Variants in PHACTR2 observed in about 807,000 individuals in gnomAD.
PHACTR2 encodes the protein chromosome 6 open reading frame 56.
In PHACTR2, 30 loss-of-function variants were observed where a neutral mutation model predicts 76.0. The ratio of observed to expected loss-of-function variants is 0.39; its 90% CI spans 0.30 to 0.54. The LOEUF is 0.54. PHACTR2 is among the 20% of genes least tolerant of loss of function. The probability of loss-of-function intolerance (pLI) is 0.61; values close to 1 mark genes in which losing one functional copy is unlikely to be tolerated. For synonymous variants in PHACTR2, 292 were observed against 292.5 expected, an observed-to-expected ratio of 1.00 and a Z score of 0.02; for missense variants, 696 against 781.1, an observed-to-expected ratio of 0.89 and a Z score of 1.30.
rs1225594604 is a variant in PHACTR2 at position 143,787,096 on chromosome 6, T to G, written c.1708-1677T>G. Among the ~76,000 whole-genome samples, 2 of 152,212 alleles carry G rather than the reference T, an allele frequency of 1.3e-5. No homozygotes were observed. The highest frequency in any genetic ancestry group is 4.8e-5 in the African/African-American group (2 of 41,450). On this transcript the variant is annotated intron_variant, in intron 10 of 12. Coordinates refer to ENST00000440869, the MANE Select transcript of PHACTR2 (RefSeq NM_001100164.2). This position sits in a 1 kb window ranked among gnomAD's most constrained non-coding sequence, Gnocchi z 4.6. Reference sequence around the variant, plus strand: ...TACAAATCATCTTTCTCAATCCAGCTGGGCCCCTCCATGAGGCAGCAGTGC... The same window carrying G: ...TACAAATCATCTTTCTCAATCCAGCGGGGCCCCTCCATGAGGCAGCAGTGC...
chr6:143,687,058 G>GT (rs1777542406), intron 1 of PHACTR2, among the ~76,000 whole-genome samples: 1 of 151,862 alleles, frequency 6.6e-6, no homozygotes, highest in African/African-American at 2.4e-5. Context: ...AGGTTTAATT[G>GT]TTTTTTTAGT....
intron 1 of PHACTR2, among the ~76,000 whole-genome samples, chr6:143,576,331 C>A (rs1476609361): frequency 6.6e-6 from 1 of 152,196 alleles, no homozygotes; most frequent in East Asian, 1.9e-4. Context: ...ACGTATTTTA[C>A]AAGTCGTGGG....
intron 2 of PHACTR2, among the ~76,000 whole-genome samples, chr6:143,717,467 A>G (rs1012294173): frequency 2.6e-5 from 4 of 152,132 alleles, no homozygotes; most frequent in Non-Finnish European, 5.9e-5. Context: ...TAGGTTCTTT[A>G]TGTAATAACA....
intron 1 of PHACTR2, among the ~76,000 whole-genome samples, chr6:143,634,995 T>G (rs536250072): frequency 6.6e-6 from 1 of 152,228 alleles, no homozygotes; most frequent in East Asian, 1.9e-4. Context: ...AGAACATGTA[T>G]CTACTCTAAG....
In PHACTR2 at chr6:143,543,653, T is replaced by C. The variant is rs1276934893; in HGVS notation, c.217+6446T>C. On this transcript the variant is annotated intron_variant, in intron 1 of 11. Transcript: ENST00000367584. The surrounding 1 kb of genome is among the most constrained non-coding windows in gnomAD (Gnocchi z 4.7). ...GTTTGGGGATGGGAAACAGTACATGTAAAAGGCCTGAAACAAACTGGCATA... is the reference window on the plus strand; with the variant it reads ...GTTTGGGGATGGGAAACAGTACATGCAAAAGGCCTGAAACAAACTGGCATA... Among the ~76,000 whole-genome samples, 2 of 152,138 alleles carry C rather than the reference T, an allele frequency of 1.3e-5. No individual in the cohort carries two copies. The highest frequency in any genetic ancestry group is 2.9e-5 in the Non-Finnish European group (2 of 68,024).
rs1197828296 is a variant in PHACTR2, at chr6:143,753,602, T to C, written c.296-152T>C. 1.8e-6 allele frequency: 1 copy of C among 553,374 alleles called. No homozygotes were observed. The highest frequency in any genetic ancestry group is 3.1e-5 in the East Asian group (1 of 32,638). 34.3% of individuals were successfully genotyped at this position (553,374 alleles called of 1,614,324 possible). A position where few individuals can be genotyped will look rare whatever the true frequency, so the allele number is the denominator to read the frequency against. ...CCAAGACAGAGGATTTTCTAGCTCT[T>C]TTGTTTTGAATAAACCGGTGAAACA... is the stretch of plus-strand genomic sequence containing the variant. On this transcript the variant is annotated intron_variant, in intron 3 of 12. Coordinates refer to ENST00000440869, the MANE Select transcript of PHACTR2 (RefSeq NM_001100164.2). This position sits in a 1 kb window ranked among gnomAD's most constrained non-coding sequence, Gnocchi z 4.6.
At chr6:143,677,507 C>A (rs948053519), upstream of PHACTR2, among the ~76,000 whole-genome samples, 2 of 152,070 alleles carry the variant, frequency 1.3e-5, no homozygotes, top group Non-Finnish European at 2.9e-5. Flanking sequence ...CGTAGACCTA[C>A]CATTTAGATT....
intron 2 of PHACTR2, among the ~76,000 whole-genome samples, chr6:143,725,957 T>C (rs925502822): frequency 3.3e-5 from 5 of 152,376 alleles, no homozygotes; most frequent in African/African-American, 1.2e-4. Flanking sequence ...TTCCATTTTT[T>C]GTTGAATAGT....
rs1238544287 is a variant in PHACTR2 at position 143,765,029 on chromosome 6, A to C, written c.695-232A>C. Reference sequence around the variant, plus strand: ...AGACTAAAGTGAGAGAAGACAGAGGACTCTTGTTCCTCTGAGTTTTGCCGT... The same window carrying C: ...AGACTAAAGTGAGAGAAGACAGAGGCCTCTTGTTCCTCTGAGTTTTGCCGT... On this transcript the variant is annotated intron_variant, in intron 5 of 12. Transcript: ENST00000440869. This position sits in a 1 kb window ranked among gnomAD's most constrained non-coding sequence, Gnocchi z 4.1. 2.0e-5 allele frequency among the ~76,000 whole-genome samples: 3 copies of C among 151,818 alleles called. No homozygotes were observed. Among genetic ancestry groups the C allele is most frequent in the Non-Finnish European group, 4.4e-5 (3 of 67,960 alleles).
chr6:143,802,025 T>A (rs992427610), intron 11 of PHACTR2, among the ~76,000 whole-genome samples: 3 of 152,224 alleles, frequency 2.0e-5, no homozygotes, highest in African/African-American at 7.2e-5. Flanking sequence ...ACAAATCACC[T>A]GTTGCTTCTT....
At chr6:143,720,164 T>C (rs575351887) in intron 2 of PHACTR2, among the ~76,000 whole-genome samples, 1 of 152,200 alleles carries the variant, frequency 6.6e-6, no homozygotes, top group African/African-American at 2.4e-5. Context: ...CATCTTCATC[T>C]ATTGTATGTG....
intron 2 of PHACTR2, among the ~76,000 whole-genome samples, chr6:143,718,186 G>T (rs1278926957): frequency 6.6e-6 from 1 of 152,102 alleles, no homozygotes; most frequent in Admixed American, 6.5e-5. Context: ...AAGGTACTGT[G>T]TACTCCCTAA....
chr6:143,778,101 G>C (rs1775328067), intron 9 of PHACTR2, among the ~76,000 whole-genome samples: 1 of 152,200 alleles, frequency 6.6e-6, no homozygotes, highest in Non-Finnish European at 1.5e-5. Context: ...TTAAGAAACG[G>C]ATATTTTTAA....
At chr6:143,797,450 C>T (rs779709654) in intron 11 of PHACTR2, among the ~76,000 whole-genome samples, 1 of 152,098 alleles carries the variant, frequency 6.6e-6, no homozygotes, top group African/African-American at 2.4e-5. Flanking sequence ...CTTTTGTTGC[C>T]GTTTGCTTTT....
chr6:143,552,422 C>T (rs970990056), intron 1 of PHACTR2, among the ~76,000 whole-genome samples: 3 of 152,022 alleles, frequency 2.0e-5, no homozygotes, highest in Non-Finnish European at 2.9e-5. Context: ...AGGAGCAAAA[C>T]CACAAATGGA....
At chr6:143,651,092 C>G (rs997122915) in intron 1 of PHACTR2, among the ~76,000 whole-genome samples, 1 of 151,972 alleles carries the variant, frequency 6.6e-6, no homozygotes, top group Non-Finnish European at 1.5e-5. Context: ...GAAAAAAAAG[C>G]TCAACATCAC....
In PHACTR2 at chr6:143,823,544, TA is replaced by T; in HGVS notation, c.1923-127del. 1 of 634,706 alleles carries T rather than the reference TA, an allele frequency of 1.6e-6. No homozygotes were observed. Among genetic ancestry groups the T allele is most frequent in the Non-Finnish European group, 2.9e-6 (1 of 346,100 alleles). 39.3% of individuals were successfully genotyped at this position (634,706 alleles called of 1,614,324 possible). A position where few individuals can be genotyped will look rare whatever the true frequency, so the allele number is the denominator to read the frequency against. On this transcript the variant is annotated intron_variant, in intron 12 of 12. Transcript: ENST00000440869. This position sits in a 1 kb window ranked among gnomAD's most constrained non-coding sequence, Gnocchi z 5.7. Reference sequence around the variant, plus strand: ...AGTATTTTGTTATGACAGAAATTTGTAAACAGTAATTCAGTTGGGGGATATC... The same window carrying T: ...AGTATTTTGTTATGACAGAAATTTGTAACAGTAATTCAGTTGGGGGATATC...
In PHACTR2 at chr6:143,662,390, T is replaced by A. The variant is rs923290778; in HGVS notation, c.14-49626T>A. On this transcript the variant is annotated intron_variant, in intron 1 of 11. Transcript: ENST00000305766. This position sits in a 1 kb window ranked among gnomAD's most constrained non-coding sequence, Gnocchi z 4.7. ...GTTAAGCCTGTTAAATATAAGAAAC[T>A]ACTTATTTTGTTTGTTATTCCCTTA... Among the ~76,000 whole-genome samples the A allele has an allele frequency of 1.3e-5, 2 of 152,212 alleles. No individual in the cohort carries two copies. The highest frequency in any genetic ancestry group is 4.8e-5 in the African/African-American group (2 of 41,464).
chr6:143,703,865 T>G (rs1777974158), intron 1 of PHACTR2, among the ~76,000 whole-genome samples: 2 of 152,176 alleles, frequency 1.3e-5, no homozygotes, highest in South Asian at 2.1e-4. Flanking sequence ...TTTAGATTAT[T>G]TAGATATTTA....
Sources: allele counts gnomAD v4.1 joint callset (sites outside exome capture counted in the v4.1 genomes callset), GRCh38; gene constraint gnomAD v4.1.1; non-coding constraint Gnocchi (gnomAD v3.1); transcripts MANE v1.5; gene names NCBI Gene and HGNC (gene_info 2026-07-23, HGNC 2026-07-21).